The following TUFT1 variants were observed in gnomAD, a reference collection of about 807,000 sequenced individuals.
TUFT1 encodes the protein tuftelin 1, also known as tuftelin.
In TUFT1, 43 loss-of-function variants were observed where a neutral mutation model predicts 57.8. The ratio of observed to expected loss-of-function variants is 0.74; its 90% CI spans 0.58 to 0.96. The LOEUF (loss-of-function observed/expected upper bound fraction) is 0.96, where lower values mean the gene tolerates loss of function less well. Among genes scored for constraint, TUFT1 ranks in the 40% least tolerant of loss-of-function variants. The pLI, the probability that TUFT1 is intolerant of heterozygous loss-of-function variation, is 0.00. For synonymous variants in TUFT1, 166 were observed against 176.7 expected (o/e 0.94, Z 0.48); for missense variants, 459 against 489.0 (o/e 0.94, Z 0.58).
At chr1:151,576,684 G>A (rs1161058358) in intron 9 of TUFT1, among the ~76,000 whole-genome samples, 3 of 152,154 alleles carry the variant, frequency 2.0e-5, no homozygotes, top group Non-Finnish European at 4.4e-5. Flanking sequence ...CCAGGCTGGA[G>A]TGCAGTGGTG....
Position 151,563,986 on chromosome 1 carries a change from A to G in TUFT1, c.320A>G (p.Gln107Arg), listed in dbSNP as rs374164451. 2 of 1,613,764 alleles carry G rather than the reference A, an allele frequency of 1.2e-6. No homozygotes were observed. The highest frequency in any genetic ancestry group is 2.7e-5 in the African/African-American group (2 of 74,924). ...CTGAAGAGTGAGGTCCAGTACATCC[A>G]GGAGGTGGGCACCCCTTACCTCTCA... ...NQLKSEVQYI[Q>R]EARNCLQKLR... Residue 107 changes from glutamine (Q) to arginine (R), a missense_variant, in exon 4 of 13, where the codon CAG becomes CGG. Transcript: ENST00000368849.
rs541707383 is a variant in TUFT1, at chr1:151,548,262, C to A, written c.60+7836C>A. Among the ~76,000 whole-genome samples the A allele has an allele frequency of 7.4e-4, 113 of 151,966 alleles. 1 individual carries two copies. The South Asian group carries it at 0.022, about 30-fold the overall frequency. On this transcript the variant is annotated intron_variant, in intron 1 of 12. Transcript: ENST00000368849. The stretch of plus-strand genomic sequence containing the variant: ...CCTGATCACTTGGGTGCCATTGTTA[C>A]AAGGGGCTGGCTATTCCTACTTTTC...
Position 151,574,315 on chromosome 1 carries a change from G to A in TUFT1, c.640G>A (p.Ala214Thr). 1 of 1,614,166 alleles carries A rather than the reference G, an allele frequency of 6.2e-7. No homozygotes were observed. The highest frequency in any genetic ancestry group is 2.2e-5 in the East Asian group (1 of 44,878). ...GAGGGAAGCAGAACAAAGTAATGTG[G>A]CCCTTCAGAGAGAGGAGGACAGAGT... Reference protein sequence around the residue: ...YQREAEQSNVALQREEDRVEQ... With the variant: ...YQREAEQSNVTLQREEDRVEQ... The change falls in exon 8 of 13, where the codon GCC becomes ACC. Residue 214 changes from alanine to threonine, a missense_variant. Physicochemically the swap from Ala to Thr is moderately conservative, Grantham distance 58. Coordinates refer to ENST00000368849, the MANE Select transcript of TUFT1 (RefSeq NM_020127.3).
At chr1:151,564,019 C>T (rs374491022) in intron 4 of TUFT1, 29 bp downstream of exon 4, 1 of 1,535,666 alleles carries the variant, frequency 6.5e-7, no homozygotes, top group South Asian at 1.2e-5. Context: ...TCACGCAGTG[C>T]CTAGGTCATT....
Position 151,569,744 on chromosome 1 carries a change from C to T in TUFT1, c.568C>T (p.His190Tyr), listed in dbSNP as rs1302163853. Residue 190 changes from histidine (H) to tyrosine (Y), a missense_variant, in exon 7 of 13, where the codon CAC becomes TAC. By Grantham distance (83) the His-to-Tyr change is moderately conservative. Transcript: ENST00000368849. ...LAKLQEAKRQ[H>Y]QSDCVAFEVT... ...CAAGCTTCAGGAGGCCAAGCGGCAA[C>T]ACCAGTCAGACTGTGTGGCTTTTGA... 1.9e-6 allele frequency: 3 copies of T among 1,613,854 alleles called. No individual in the cohort carries two copies. The African/African-American group carries it at 4.0e-5, about 22-fold the overall frequency.
At chr1:151,562,410 T>A in intron 2 of TUFT1, 175 bp from the exon 3 acceptor site, 1 of 658,288 alleles carries the variant, frequency 1.5e-6, no homozygotes, top group South Asian at 1.9e-5. Flanking sequence ...TGCTGCTGTG[T>A]GGCTTCTGTT....
At chr1:151,562,798 AC>A in intron 3 of TUFT1, 112 bp downstream of exon 3, 2 of 840,930 alleles carry the variant, frequency 2.4e-6, no homozygotes, top group Non-Finnish European at 3.9e-6. Context: ...GATGGAAGGA[AC>A]CAGACCTGAG....
chr1:151,575,067 C>T, intron 9 of TUFT1, 62 bp downstream of exon 9: 1 of 1,415,318 alleles, frequency 7.1e-7, no homozygotes, highest in Non-Finnish European at 9.7e-7. Context: ...GCAGGCCATA[C>T]AGCCTGTTGC....
intron 1 of TUFT1, among the ~76,000 whole-genome samples, chr1:151,552,353 A>G (rs1376064712): frequency 6.6e-6 from 1 of 152,210 alleles, no homozygotes; most frequent in Non-Finnish European, 1.5e-5. Context: ...GCCAGGGCAA[A>G]GGGAAAGCCT....
intron 1 of TUFT1, among the ~76,000 whole-genome samples, chr1:151,542,861 C>T (rs1241807768): frequency 6.6e-6 from 1 of 152,190 alleles, no homozygotes; most frequent in African/African-American, 2.4e-5. Context: ...TCTGAGCCAA[C>T]TTGCAGACAG....
intron 12 of TUFT1, 59 bp downstream of exon 12, chr1:151,581,101 GC>G: frequency 6.7e-7 from 1 of 1,493,440 alleles, no homozygotes. Flanking sequence ...GAGGGACAGA[GC>G]TCTGTAGAAC....
rs117946412 is a variant in TUFT1 at position 151,572,798 on chromosome 1, G to A, written c.595-1472G>A. ...CATGGCTGGTGTGTAGCATGGACACGTCCCATCACACATCACCTGTGCCGT... is the reference window on the plus strand; with the variant it reads ...CATGGCTGGTGTGTAGCATGGACACATCCCATCACACATCACCTGTGCCGT... On this transcript the variant is annotated intron_variant, in intron 7 of 12. Transcript: ENST00000368849. 7.6e-4 allele frequency among the ~76,000 whole-genome samples: 115 copies of A among 152,314 alleles called. 1 individual carries two copies. The East Asian group carries it at 0.014, about 19-fold the overall frequency.
chr1:151,581,085 G>A (rs1666634258), intron 12 of TUFT1, 43 bp downstream of exon 12: 1 of 1,556,888 alleles, frequency 6.4e-7, no homozygotes, highest in Non-Finnish European at 8.9e-7. Context: ...GGGAGGAGGG[G>A]AGAAGGAGGG....
At position 151,562,486 on chromosome 1, in the gene TUFT1, G is replaced by C. The variant is rs113225862; in HGVS notation, c.136-99G>C. 60 of 1,034,684 alleles carry C rather than the reference G, an allele frequency of 5.8e-5. No homozygotes were observed. In the African/African-American group the frequency reaches 8.7e-4, roughly 15 times the overall value. The allele number at this position is 1,034,684 out of a possible 1,614,324, so 64.1% of individuals were successfully genotyped here. On this transcript the variant is annotated intron_variant, in intron 2 of 12. Coordinates refer to ENST00000368849, the MANE Select transcript of TUFT1 (RefSeq NM_020127.3). ...AATCCTTCAAGTCTTTTGAGAAACA[G>C]GTCTTCTGCATTAGCTGAGGGGCAG...
intron 1 of TUFT1, among the ~76,000 whole-genome samples, chr1:151,553,325 C>T (rs1033122945): frequency 6.6e-6 from 1 of 152,144 alleles, no homozygotes. Context: ...CTCCTGACCT[C>T]GTGATCTGCC....
chr1:151,568,583 C>A (rs190505395), intron 6 of TUFT1, among the ~76,000 whole-genome samples: 1 of 152,146 alleles, frequency 6.6e-6, no homozygotes, highest in African/African-American at 2.4e-5. Flanking sequence ...TTCCAGGAAC[C>A]TTTTAAAGGC....
Position 151,563,987 on chromosome 1 carries a change from G to C in TUFT1, c.321G>C (p.Gln107His), listed in dbSNP as rs767961343. 4.3e-6 allele frequency: 7 copies of C among 1,613,810 alleles called. No individual in the cohort carries two copies. Among genetic ancestry groups the C allele is most frequent in the Non-Finnish European group, 5.9e-6 (7 of 1,179,776 alleles). ...TGAAGAGTGAGGTCCAGTACATCCA[G>C]GAGGTGGGCACCCCTTACCTCTCAC... ...NQLKSEVQYIQEARNCLQKLR... is the reference protein window; with the variant it reads ...NQLKSEVQYIHEARNCLQKLR... Residue 107 changes from glutamine (Q) to histidine (H), a missense_variant, in exon 4 of 13, where the codon CAG becomes CAC. Transcript: ENST00000368849.
rs575396015 is a variant in TUFT1, at chr1:151,548,767, T to C, written c.60+8341T>C. On this transcript the variant is annotated intron_variant, in intron 1 of 12. Transcript: ENST00000368849. ...TTGCTGGTTTCCAGCTCAGGGGCAA[T>C]CTCCACTTCCTTTACTTCCTCTTAG... Among the ~76,000 whole-genome samples, 4 of 152,202 alleles carry C rather than the reference T, an allele frequency of 2.6e-5. No individual in the cohort carries two copies. In the East Asian group the frequency reaches 7.7e-4, roughly 29 times the overall value.
At chr1:151,562,215 C>G in intron 2 of TUFT1, 50 bp downstream of exon 2, 1 of 1,530,042 alleles carries the variant, frequency 6.5e-7, no homozygotes, top group Non-Finnish European at 9.0e-7. Context: ...CCAGTGCTTC[C>G]TTGCTGCTGG....
Sources: allele counts gnomAD v4.1 joint callset (sites outside exome capture counted in the v4.1 genomes callset), GRCh38; gene constraint gnomAD v4.1.1; transcripts MANE v1.5; gene names NCBI Gene and HGNC (gene_info 2026-07-23, HGNC 2026-07-21).